Variants in MICAL2 observed in about 807,000 individuals in gnomAD.
MICAL2 encodes the protein microtubule associated monooxygenase, calponin and LIM domain containing 2.
Under a neutral mutation model 127.3 loss-of-function variants are expected in MICAL2, and 77 were observed. The observed-to-expected ratio is 0.60, with a 90% CI of 0.50 to 0.73. The LOEUF (loss-of-function observed/expected upper bound fraction) is 0.73, where lower values mean the gene tolerates loss of function less well. Ranked by LOEUF, MICAL2 falls within the 30% of genes least tolerant of loss-of-function variation. MICAL2 has a pLI of 0.00. For missense variants in MICAL2, 1,351 were observed against 1,434.4 expected (o/e 0.94, Z 0.94); for synonymous variants, 570 against 551.1 (o/e 1.03, Z -0.48).
chr11:12,243,958 C>T, intron 20 of MICAL2, 29 bp from the exon 21 acceptor site: 3 of 1,612,574 alleles, frequency 1.9e-6, no homozygotes, highest in South Asian at 1.1e-5. Flanking sequence ...TGGGATAATC[C>T]TTGTTTCTTC....
At chr11:12,175,932 A>G (rs889985136) in intron 3 of MICAL2, among the ~76,000 whole-genome samples, 2 of 152,142 alleles carry the variant, frequency 1.3e-5, no homozygotes, top group African/African-American at 4.8e-5. Flanking sequence ...AACCCTTGAA[A>G]GGACTTGGGC....
At chr11:12,185,948 A>G (rs536299068) in intron 3 of MICAL2, among the ~76,000 whole-genome samples, 4 of 152,364 alleles carry the variant, frequency 2.6e-5, no homozygotes, top group African/African-American at 9.6e-5. Flanking sequence ...CTTCCCAGGC[A>G]CATAGCAGGT....
At position 12,172,271 on chromosome 11, in the gene MICAL2, C is replaced by T. The variant is rs183640688; in HGVS notation, c.264+9852C>T. Among the ~76,000 whole-genome samples, 36 of 152,288 alleles carry T rather than the reference C, an allele frequency of 2.4e-4. No homozygotes were observed. In the East Asian group the frequency reaches 5.0e-3, roughly 21 times the overall value. On this transcript the variant is annotated intron_variant, in intron 3 of 27. Coordinates refer to ENST00000683283, the MANE Select transcript of MICAL2 (RefSeq NM_001282663.2). Reference sequence around the variant, plus strand: ...ACAGGAATTTTTGCCTATATGTTCTCGGCTGATTCCCCAGCACCTAGGAAA... The same window carrying T: ...ACAGGAATTTTTGCCTATATGTTCTTGGCTGATTCCCCAGCACCTAGGAAA...
At chr11:12,208,799 G>A (rs1004152462) in intron 5 of MICAL2, among the ~76,000 whole-genome samples, 5 of 152,206 alleles carry the variant, frequency 3.3e-5, no homozygotes, top group African/African-American at 1.2e-4. Flanking sequence ...AGGGCTTTGA[G>A]TTTGGGACCA....
chr11:12,315,075 C>T (rs1864218160), intron 29 of MICAL2, among the ~76,000 whole-genome samples: 1 of 152,098 alleles, frequency 6.6e-6, no homozygotes, highest in Non-Finnish European at 1.5e-5. Context: ...GAAAACGTTT[C>T]ACTTTTGCCT....
intron 29 of MICAL2, among the ~76,000 whole-genome samples, chr11:12,318,279 G>C (rs1054413813): frequency 2.0e-5 from 3 of 152,210 alleles, no homozygotes; most frequent in African/African-American, 7.2e-5. Flanking sequence ...TGAACACTCA[G>C]TGACTGAATT....
At chr11:12,148,737 A>G (rs1306711415) in intron 2 of MICAL2, among the ~76,000 whole-genome samples, 1 of 152,222 alleles carries the variant, frequency 6.6e-6, no homozygotes, top group African/African-American at 2.4e-5. Context: ...GTGAGGTAGG[A>G]GGGGCCACAA....
intron 3 of MICAL2, among the ~76,000 whole-genome samples, chr11:12,190,869 C>T (rs1014546963): frequency 2.0e-5 from 3 of 152,188 alleles, no homozygotes; most frequent in Non-Finnish European, 2.9e-5. Flanking sequence ...AAAATAGTTC[C>T]TACCTTATAA....
chr11:12,274,750 C>G (rs1456624497), upstream of MICAL2: 1 of 152,308 alleles, frequency 6.6e-6, no homozygotes, highest in East Asian at 1.9e-4. Context: ...ACGGGACGCA[C>G]TGGGGACTAC....
intron 3 of MICAL2, among the ~76,000 whole-genome samples, chr11:12,170,141 T>C (rs944352011): frequency 6.6e-5 from 10 of 152,184 alleles, no homozygotes; most frequent in African/African-American, 2.4e-4. Context: ...CAGTTCCATA[T>C]ACATCGTTTC....
exon 31 of MICAL2, chr11:12,324,058 C>G (rs1350285580): frequency 6.2e-7 from 1 of 1,612,672 alleles, no homozygotes; most frequent in Non-Finnish European, 8.5e-7. Context: ...TGAAAAGACT[C>G]TATAAGGCTC....
chr11:12,287,318 T>C (rs1189351582), downstream of MICAL2: 1 of 390,756 alleles, frequency 2.6e-6, no homozygotes, highest in African/African-American at 2.1e-5. Flanking sequence ...AGCTTGACTT[T>C]ATTTCCACTG....
At chr11:12,291,725 G>T (rs4756816), downstream of MICAL2, among the ~76,000 whole-genome samples, 5,551 of 152,312 alleles carry the variant, frequency 0.036, 190 homozygotes, top group Admixed American at 0.1. Flanking sequence ...CTGTGCCCAT[G>T]GCTAAAGGTC....
At chr11:12,356,578 G>T (rs28537165) in intron 34 of MICAL2, among the ~76,000 whole-genome samples, 1 of 152,168 alleles carries the variant, frequency 6.6e-6, no homozygotes, top group Non-Finnish European at 1.5e-5. Context: ...TGAGGTGTGT[G>T]CTGGTCTCAT....
At chr11:12,311,177 C>G (rs549347544) in intron 29 of MICAL2, among the ~76,000 whole-genome samples, 1 of 152,176 alleles carries the variant, frequency 6.6e-6, no homozygotes, top group East Asian at 1.9e-4. Flanking sequence ...CCACTTATTT[C>G]TTTTTCTCGC....
At chr11:12,129,103 C>T (rs926345181) in intron 1 of MICAL2, among the ~76,000 whole-genome samples, 1 of 150,734 alleles carries the variant, frequency 6.6e-6, no homozygotes, top group African/African-American at 2.4e-5. Context: ...GTGTAGGTCT[C>T]CCCTTTACAA....
Position 12,280,750 on chromosome 11 carries a change from A to G in MICAL2, c.88-183A>G, listed in dbSNP as rs763095535. Reference sequence around the variant, plus strand: ...AGGTACTTGGGGTTAGGACTTCAGCATATGAGTTTTCAGGAATACAATTCA... The same window carrying G: ...AGGTACTTGGGGTTAGGACTTCAGCGTATGAGTTTTCAGGAATACAATTCA... On this transcript the variant is annotated intron_variant, in intron 1 of 2. Coordinates refer to the MICAL2 transcript ENST00000529028. Among the ~76,000 whole-genome samples the G allele has an allele frequency of 1.7e-4, 26 of 152,270 alleles. 1 individual carries two copies. Among genetic ancestry groups the G allele is most frequent in the Non-Finnish European group, 2.4e-4 (16 of 68,046 alleles).
intron 3 of MICAL2, among the ~76,000 whole-genome samples, chr11:12,180,526 C>T (rs1857330669): frequency 6.6e-6 from 1 of 152,096 alleles, no homozygotes; most frequent in African/African-American, 2.4e-5. Context: ...TACCGAATGA[C>T]TTATCCCTTG....
chr11:12,241,893 C>A (rs993323766), intron 18 of MICAL2, among the ~76,000 whole-genome samples: 1 of 130,896 alleles, frequency 7.6e-6, no homozygotes, highest in Non-Finnish European at 1.7e-5. Context: ...CAATCGAAAT[C>A]TCTGGGGGTT....
Sources: gnomAD v4.1 joint callset for allele counts (sites outside exome capture counted in the v4.1 genomes callset) on GRCh38, gnomAD v4.1.1 for gene constraint, MANE v1.5 for transcripts, NCBI Gene and HGNC (gene_info 2026-07-23, HGNC 2026-07-21) for gene names.